Variants in DNAJC17 observed in about 807,000 individuals in gnomAD.
The protein encoded by DNAJC17 is dnaJ homolog subfamily C member 17.
A neutral mutation model predicts 48.1 loss-of-function variants in DNAJC17; 35 were observed. The observed-to-expected ratio is 0.73, with a 90% CI of 0.56 to 0.96. The LOEUF (loss-of-function observed/expected upper bound fraction) is 0.96, where lower values mean the gene tolerates loss of function less well. Among genes scored for constraint, DNAJC17 ranks in the 50% least tolerant of loss-of-function variants. The pLI is 0.00. For synonymous variants in DNAJC17, 117 were observed against 142.7 expected (o/e 0.82, Z 1.28); for missense variants, 355 against 377.1 (o/e 0.94, Z 0.48).
intron 1 of DNAJC17, among the ~76,000 whole-genome samples, chr15:40,795,700 G>C (rs936263691): frequency 2.6e-5 from 4 of 152,084 alleles, no homozygotes; most frequent in African/African-American, 9.7e-5. Flanking sequence ...TTCAAGACAA[G>C]CCTGGCCAAC....
At chr15:40,805,001 CA>C (rs964327747) in intron 1 of DNAJC17, among the ~76,000 whole-genome samples, 2 of 149,898 alleles carry the variant, frequency 1.3e-5, no homozygotes, top group Admixed American at 1.3e-4. Flanking sequence ...GACTCCGTCT[CA>C]AAAAAAAACC....
intron 10 of DNAJC17, among the ~76,000 whole-genome samples, chr15:40,768,948 C>T (rs146248155): frequency 1.7e-3 from 261 of 152,376 alleles, no homozygotes; most frequent in South Asian, 6.2e-3. Flanking sequence ...CTGTGGGGCC[C>T]TGATCCGCGG....
At chr15:40,774,928 T>C in intron 8 of DNAJC17, 103 bp downstream of exon 8, 3 of 1,192,936 alleles carry the variant, frequency 2.5e-6, no homozygotes, top group African/African-American at 1.6e-5. Context: ...AAAAAGCAAG[T>C]AGATATGTTA....
chr15:40,781,857 G>A (rs758602966), intron 1 of DNAJC17, among the ~76,000 whole-genome samples: 1 of 151,564 alleles, frequency 6.6e-6, no homozygotes, highest in Non-Finnish European at 1.5e-5. Context: ...GGGAGGCAGA[G>A]GTTGCAGTGA....
At chr15:40,775,821 C>T (rs1355397322) in intron 6 of DNAJC17, among the ~76,000 whole-genome samples, 4 of 152,132 alleles carry the variant, frequency 2.6e-5, no homozygotes, top group African/African-American at 7.2e-5. Flanking sequence ...GGCCACTTGT[C>T]AGCACTCTCT....
chr15:40,787,097 C>T (rs563067951), intron 1 of DNAJC17, among the ~76,000 whole-genome samples: 2 of 152,298 alleles, frequency 1.3e-5, no homozygotes, highest in Admixed American at 1.3e-4. Context: ...CAGATGCCAG[C>T]CCTTCCCTAG....
chr15:40,767,357 A>G lies in DNAJC17; in HGVS notation c.*583T>C, dbSNP rs376132308. On this transcript the variant is annotated 3_prime_UTR_variant, in exon 11 of 11. Transcript: ENST00000220496. ...TGTCTGCACAAGGAGTGACCTTCTC[A>G]TGCTGATTTGCAGACGGGGCACCCC... 5.0e-6 allele frequency: 8 copies of G among 1,592,832 alleles called. No homozygotes were observed. The highest frequency in any genetic ancestry group is 1.4e-5 in the African/African-American group (1 of 73,536).
In DNAJC17 at chr15:40,801,757, A is replaced by G. The variant is rs568544215; in HGVS notation, c.78+5612T>C. Reference sequence around the variant, plus strand: ...CGTCTCAAAAAAAAAAAAAAAAAAAAGAAAAGAAAAGAAATTCTATTGAGT... The same window carrying G: ...CGTCTCAAAAAAAAAAAAAAAAAAAGGAAAAGAAAAGAAATTCTATTGAGT... On this transcript the variant is annotated intron_variant, in intron 1 of 10. Transcript: ENST00000220496. 5.6e-3 allele frequency among the ~76,000 whole-genome samples: 853 copies of G among 151,152 alleles called. 18 individuals carry two copies. The highest frequency in any genetic ancestry group is 0.02 in the African/African-American group (829 of 40,978).
intron 1 of DNAJC17, among the ~76,000 whole-genome samples, chr15:40,792,895 CTTTTTT>C (rs563611021): frequency 2.4e-5 from 3 of 126,300 alleles, no homozygotes; most frequent in African/African-American, 9.3e-5. Context: ...AAGATCCCTT[CTTTTTT>C]TTTTTTTTTT....
Position 40,767,810 on chromosome 15 carries a change from G to T in DNAJC17, c.*130C>A. ...TTCCTGGGAGGGGCGCCAGGCCTGG[G>T]TGGAGCGCTCTGCGGCAGAGCCCAG... On this transcript the variant is annotated 3_prime_UTR_variant, in exon 11 of 11. Coordinates refer to ENST00000220496, the MANE Select transcript of DNAJC17 (RefSeq NM_018163.3). The T allele has an allele frequency of 7.3e-7, 1 of 1,374,204 alleles. No individual in the cohort carries two copies. Among genetic ancestry groups the T allele is most frequent in the Non-Finnish European group, 9.7e-7 (1 of 1,031,072 alleles). The allele number at this position is 1,374,204 out of a possible 1,614,324, so 85.1% of individuals were successfully genotyped here. A position where few individuals can be genotyped will look rare whatever the true frequency, so the allele number is the denominator to read the frequency against.
chr15:40,767,201 C>G lies in DNAJC17; in HGVS notation c.*739G>C, dbSNP rs761724887. On this transcript the variant is annotated 3_prime_UTR_variant, in exon 11 of 11. Transcript: ENST00000220496. Reference sequence around the variant, plus strand: ...GGAGCTTGCTGTGTGCCCCTCCTCACCCCCCCCATCCTGTCTCTTTGCAGT... The same window carrying G: ...GGAGCTTGCTGTGTGCCCCTCCTCAGCCCCCCCATCCTGTCTCTTTGCAGT... 7.9e-5 allele frequency: 113 copies of G among 1,437,996 alleles called. 1 individual carries two copies. Among genetic ancestry groups the G allele is most frequent in the Non-Finnish European group, 1.0e-4 (110 of 1,093,918 alleles). 89.1% of individuals were successfully genotyped at this position (1,437,996 alleles called of 1,614,324 possible). A position where few individuals can be genotyped will look rare whatever the true frequency, so the allele number is the denominator to read the frequency against.
chr15:40,802,669 ACATCAGGGCATCAGGG>A (rs368448056), intron 1 of DNAJC17, among the ~76,000 whole-genome samples: 1 of 152,106 alleles, frequency 6.6e-6, no homozygotes, highest in Non-Finnish European at 1.5e-5. Context: ...CCTGAGCTGG[ACATCAGGGCATCAGGG>A]CATCAGGGCA....
At chr15:40,774,809 G>A (rs1356879713) in intron 8 of DNAJC17, among the ~76,000 whole-genome samples, 2 of 152,252 alleles carry the variant, frequency 1.3e-5, no homozygotes, top group Non-Finnish European at 2.9e-5. Context: ...TTAGACCGAG[G>A]TAGCAAAGGA....
At chr15:40,800,729 G>A (rs1214455939) in intron 1 of DNAJC17, among the ~76,000 whole-genome samples, 2 of 151,178 alleles carry the variant, frequency 1.3e-5, no homozygotes, top group Non-Finnish European at 2.9e-5. Context: ...GCTCACGCCT[G>A]TAATCCCAGC....
chr15:40,806,564 C>A (rs1477671743), intron 1 of DNAJC17, among the ~76,000 whole-genome samples: 2 of 152,112 alleles, frequency 1.3e-5, no homozygotes, highest in East Asian at 1.9e-4. Flanking sequence ...GAGAAAGAGT[C>A]TTGCTCTGTC....
At chr15:40,798,511 C>T (rs902624904) in intron 1 of DNAJC17, among the ~76,000 whole-genome samples, 6 of 152,084 alleles carry the variant, frequency 3.9e-5, no homozygotes, top group East Asian at 1.9e-4. Flanking sequence ...GTAAATTTTG[C>T]GTTAAATACA....
At chr15:40,805,271 G>A (rs545057687) in intron 1 of DNAJC17, among the ~76,000 whole-genome samples, 3 of 151,454 alleles carry the variant, frequency 2.0e-5, no homozygotes, top group African/African-American at 7.3e-5. Flanking sequence ...AGCTACTTGG[G>A]AGGCTGAGGC....
chr15:40,784,838 A>C (rs1814415), intron 1 of DNAJC17, among the ~76,000 whole-genome samples: 8,857 of 152,170 alleles, frequency 0.058, 884 homozygotes, highest in African/African-American at 0.2. Context: ...TGGCTTACAC[A>C]TGTAATCCCA....
At chr15:40,772,966 T>TA (rs1016707639) in intron 10 of DNAJC17, among the ~76,000 whole-genome samples, 2 of 150,978 alleles carry the variant, frequency 1.3e-5, no homozygotes, top group African/African-American at 2.4e-5. Flanking sequence ...CTTCTTTTTT[T>TA]TTTTTTTTTT....
Sources: allele counts gnomAD v4.1 joint callset (sites outside exome capture counted in the v4.1 genomes callset), GRCh38; gene constraint gnomAD v4.1.1; transcripts MANE v1.5; gene names NCBI Gene and HGNC (gene_info 2026-07-23, HGNC 2026-07-21).